The following CDH12 variants were observed in gnomAD, a reference collection of about 807,000 sequenced individuals.
CDH12 encodes cadherin-12.
In CDH12, 41 loss-of-function variants were observed where a neutral mutation model predicts 74.1. The observed-to-expected ratio is 0.55, with a 90% confidence interval of 0.43 to 0.72. The LOEUF (loss-of-function observed/expected upper bound fraction) is 0.72. Ranked by LOEUF, CDH12 falls within the 30% of genes least tolerant of loss-of-function variation. The probability of loss-of-function intolerance (pLI) is 0.00; values close to 1 mark genes in which losing one functional copy is unlikely to be tolerated. For missense variants in CDH12, 945 were observed against 977.2 expected, an observed-to-expected ratio of 0.97 and a Z score of 0.44; for synonymous variants, 399 against 355.0, an observed-to-expected ratio of 1.12 and a Z score of -1.39.
At chr5:22,813,884 A>G (rs1299352618) in intron 1 of CDH12, among the ~76,000 whole-genome samples, 6 of 152,300 alleles carry the variant, frequency 3.9e-5, no homozygotes. Flanking sequence ...GACACTCTGC[A>G]GCAAAGGACC....
chr5:22,039,875 C>T (rs1739447604), intron 5 of CDH12, among the ~76,000 whole-genome samples: 1 of 151,624 alleles, frequency 6.6e-6, no homozygotes, highest in Non-Finnish European at 1.5e-5. Flanking sequence ...GATGATTATT[C>T]AAACAGATGT....
chr5:22,149,293 C>T (rs1747416965), intron 4 of CDH12, among the ~76,000 whole-genome samples: 1 of 152,146 alleles, frequency 6.6e-6, no homozygotes, highest in African/African-American at 2.4e-5. Context: ...AGTCTACCCA[C>T]TAAAATGTGT....
intron 1 of CDH12, among the ~76,000 whole-genome samples, chr5:22,591,084 C>T (rs1736292311): frequency 6.6e-6 from 1 of 152,092 alleles, no homozygotes; most frequent in Admixed American, 6.6e-5. Context: ...TGACTCCAGC[C>T]TCCCCGTTAA....
intron 2 of CDH12, among the ~76,000 whole-genome samples, chr5:22,428,659 G>T (rs1744042912): frequency 1.3e-5 from 2 of 152,130 alleles, no homozygotes; most frequent in African/African-American, 2.4e-5. Context: ...TTAGCCCTGG[G>T]TCCAACACCA....
intron 4 of CDH12, among the ~76,000 whole-genome samples, chr5:22,099,953 T>C (rs941681817): frequency 2.6e-5 from 4 of 152,144 alleles, no homozygotes; most frequent in African/African-American, 9.7e-5. Flanking sequence ...TATCACCCCT[T>C]ACCACAAAAT....
At chr5:22,766,048 GA>G (rs1264128478) in intron 1 of CDH12, among the ~76,000 whole-genome samples, 1 of 151,784 alleles carries the variant, frequency 6.6e-6, no homozygotes, top group East Asian at 1.9e-4. Flanking sequence ...TTGGAATTAA[GA>G]AATTGAAAAT....
chr5:22,299,118 C>G (rs1369357072), intron 3 of CDH12, among the ~76,000 whole-genome samples: 1 of 152,050 alleles, frequency 6.6e-6, no homozygotes. Context: ...CGGAACCATA[C>G]CTATATCTGA....
intron 1 of CDH12, among the ~76,000 whole-genome samples, chr5:22,831,999 G>A (rs1302640949): frequency 6.6e-6 from 1 of 152,144 alleles, no homozygotes; most frequent in African/African-American, 2.4e-5. Context: ...GCAGGTACTG[G>A]TGAAGAAGAA....
chr5:22,759,826 C>T (rs1483340798), intron 1 of CDH12, among the ~76,000 whole-genome samples: 1 of 152,010 alleles, frequency 6.6e-6, no homozygotes, highest in African/African-American at 2.4e-5. Context: ...CTGGATAGTC[C>T]GAAATCTGCA....
At chr5:22,450,030 A>G (rs1744980769) in intron 2 of CDH12, among the ~76,000 whole-genome samples, 2 of 152,046 alleles carry the variant, frequency 1.3e-5, no homozygotes, top group Non-Finnish European at 2.9e-5. Context: ...TAAAAATACA[A>G]TAGATTAAAC....
chr5:21,966,965 T>C (rs1046381129), intron 6 of CDH12, among the ~76,000 whole-genome samples: 31 of 152,160 alleles, frequency 2.0e-4, no homozygotes, highest in Non-Finnish European at 2.9e-5. Flanking sequence ...ATTAACATAC[T>C]AGTCCTGCCA....
rs774287237 is a variant in CDH12 at position 21,751,628 on chromosome 5, G to GTT, written c.*108_*109insAA. On this transcript the variant is annotated 3_prime_UTR_variant, in exon 15 of 15. Coordinates refer to ENST00000382254, the MANE Select transcript of CDH12 (RefSeq NM_004061.5). ...TCCCAGAGTGTGTGTGTGTGTGTGT[G>GTT]TGTTTGTGTGTGTGTGTGTGTGTGA... is the stretch of plus-strand genomic sequence containing the variant. The GTT allele has an allele frequency of 1.5e-3, 1,052 of 684,216 alleles. No homozygotes were observed. The highest frequency in any genetic ancestry group is 2.4e-3 in the Admixed American group (83 of 34,994). 42.4% of individuals were successfully genotyped at this position (684,216 alleles called of 1,614,324 possible).
At chr5:22,474,528 A>G (rs941919042) in intron 2 of CDH12, among the ~76,000 whole-genome samples, 1 of 152,186 alleles carries the variant, frequency 6.6e-6, no homozygotes, top group Non-Finnish European at 1.5e-5. Flanking sequence ...TGTTAACATT[A>G]GAGTAAATCA....
chr5:22,138,514 G>C (rs986790487), intron 4 of CDH12, among the ~76,000 whole-genome samples: 2 of 150,430 alleles, frequency 1.3e-5, no homozygotes, highest in African/African-American at 4.9e-5. Flanking sequence ...TTATAAAGTT[G>C]GGGAAAAAAA....
chr5:22,363,062 C>T (rs1027349076), intron 3 of CDH12, among the ~76,000 whole-genome samples: 7 of 151,608 alleles, frequency 4.6e-5, no homozygotes, highest in Admixed American at 1.3e-4. Flanking sequence ...GCACATGTAC[C>T]CTAGAACTTA....
At chr5:22,747,191 A>G (rs551179483) in intron 1 of CDH12, among the ~76,000 whole-genome samples, 3 of 152,278 alleles carry the variant, frequency 2.0e-5, no homozygotes, top group Admixed American at 1.3e-4. Context: ...AAATGGTTAA[A>G]CACTTATTAT....
At chr5:22,427,220 T>G (rs1030570519) in intron 2 of CDH12, among the ~76,000 whole-genome samples, 3 of 152,078 alleles carry the variant, frequency 2.0e-5, no homozygotes, top group African/African-American at 7.2e-5. Flanking sequence ...CAGGCTGGAG[T>G]GCAGTGGCAT....
chr5:21,931,418 C>T (rs1207550362), intron 6 of CDH12, among the ~76,000 whole-genome samples: 1 of 152,122 alleles, frequency 6.6e-6, no homozygotes, highest in Non-Finnish European at 1.5e-5. Context: ...ACATCAGCTG[C>T]AGTTCAGATC....
chr5:22,583,978 T>A (rs144087896), intron 1 of CDH12, among the ~76,000 whole-genome samples: 1 of 152,224 alleles, frequency 6.6e-6, no homozygotes, highest in East Asian at 1.9e-4. Flanking sequence ...TAGTATTTAC[T>A]TTTTCCCCCT....
Sources: gnomAD v4.1 joint callset for allele counts (sites outside exome capture counted in the v4.1 genomes callset) on GRCh38, gnomAD v4.1.1 for gene constraint, MANE v1.5 for transcripts, NCBI Gene and HGNC (gene_info 2026-07-23, HGNC 2026-07-21) for gene names.